The following B3GALT1 variants were observed in gnomAD, a reference collection of about 807,000 sequenced individuals.
B3GALT1 encodes the protein beta-1,3-galactosyltransferase 1.
In B3GALT1, 10 loss-of-function variants were observed where a neutral mutation model predicts 23.2. That is an observed-to-expected ratio of 0.43 (90% confidence interval 0.27 to 0.73). The LOEUF (loss-of-function observed/expected upper bound fraction) is 0.73. Among genes scored for constraint, B3GALT1 ranks in the 30% least tolerant of loss-of-function variants. B3GALT1 has a pLI of 0.21. For synonymous variants in B3GALT1, 156 were observed against 141.5 expected, an observed-to-expected ratio of 1.10 and a Z score of -0.73; for missense variants, 299 against 405.4, an observed-to-expected ratio of 0.74 and a Z score of 2.25.
At chr2:167,472,610 G>T (rs779230605) in intron 1 of B3GALT1, among the ~76,000 whole-genome samples, 3 of 151,992 alleles carry the variant, frequency 2.0e-5, no homozygotes, top group Non-Finnish European at 4.4e-5. Context: ...AGTTCATCTC[G>T]TCTACCAAAT....
intron 2 of B3GALT1, among the ~76,000 whole-genome samples, chr2:167,501,525 G>A (rs1431308363): frequency 6.6e-6 from 1 of 151,422 alleles, no homozygotes; most frequent in African/African-American, 2.4e-5. Context: ...TTAAAAGACA[G>A]CAACAAAACC....
At position 167,869,210 on chromosome 2, in the gene B3GALT1, T is replaced by A; in HGVS notation, c.171T>A (p.Pro57=). ...NFTFGNIRTR[P]INPHSFEFLI... ...CCTTTGGCAACATAAGAACTCGACC[T>A]ATCAACCCACATTCTTTTGAATTTC... Residue 57 remains proline (P), a synonymous_variant, in exon 5 of 5, where the codon CCT becomes CCA. Coordinates refer to ENST00000392690, the MANE Select transcript of B3GALT1 (RefSeq NM_020981.4). This position sits in a 1 kb window ranked among gnomAD's most constrained non-coding sequence, Gnocchi z 6.4. 1.9e-6 allele frequency: 3 copies of A among 1,614,194 alleles called. No homozygotes were observed. The South Asian group carries it at 3.3e-5, about 18-fold the overall frequency.
chr2:167,614,059 A>C (rs1238353729), intron 2 of B3GALT1, among the ~76,000 whole-genome samples: 1 of 151,882 alleles, frequency 6.6e-6, no homozygotes, highest in Non-Finnish European at 1.5e-5. Flanking sequence ...GTAATAAAAC[A>C]ATAACACTAA....
At chr2:167,794,546 C>G (rs1444982589) in intron 3 of B3GALT1, among the ~76,000 whole-genome samples, 1 of 152,178 alleles carries the variant, frequency 6.6e-6, no homozygotes, top group Admixed American at 6.5e-5. Context: ...TGACTCCTCC[C>G]TAGCCAACCT....
At chr2:167,770,721 T>C (rs1688058705) in intron 3 of B3GALT1, among the ~76,000 whole-genome samples, 1 of 152,312 alleles carries the variant, frequency 6.6e-6, no homozygotes, top group East Asian at 1.9e-4. Context: ...TTTTTTCTTA[T>C]ATTTTCCTCT....
chr2:167,318,694 G>T (rs73015836), intron 1 of B3GALT1, among the ~76,000 whole-genome samples: 1 of 152,122 alleles, frequency 6.6e-6, no homozygotes, highest in Admixed American at 6.6e-5. Context: ...AACTGCACTC[G>T]TTGGCTAAGG....
At chr2:167,692,964 A>G (rs1686737437) in intron 3 of B3GALT1, among the ~76,000 whole-genome samples, 1 of 152,020 alleles carries the variant, frequency 6.6e-6, no homozygotes, top group Non-Finnish European at 1.5e-5. Flanking sequence ...TGATGAGCCA[A>G]GGAAATGAAG....
At chr2:167,596,037 G>A (rs1310772576) in intron 2 of B3GALT1, among the ~76,000 whole-genome samples, 2 of 152,226 alleles carry the variant, frequency 1.3e-5, no homozygotes, top group African/African-American at 2.4e-5. Flanking sequence ...CTCTTCAGCA[G>A]GTAGTGGTTA....
chr2:167,354,910 C>A (rs986053337), intron 1 of B3GALT1, among the ~76,000 whole-genome samples: 1 of 152,198 alleles, frequency 6.6e-6, no homozygotes, highest in African/African-American at 2.4e-5. Context: ...ACCATGAGTT[C>A]TCAGCAAATT....
At chr2:167,427,489 G>C (rs755660318) in intron 1 of B3GALT1, among the ~76,000 whole-genome samples, 3 of 152,268 alleles carry the variant, frequency 2.0e-5, no homozygotes, top group Non-Finnish European at 2.9e-5. Context: ...ATGTATAAGA[G>C]AGTTCAGGCC....
intron 1 of B3GALT1, among the ~76,000 whole-genome samples, 179 bp downstream of exon 1, chr2:167,293,513 C>T (rs575737109): frequency 6.6e-6 from 1 of 152,276 alleles, no homozygotes; most frequent in South Asian, 2.1e-4. Context: ...GTGCGTTCTC[C>T]CTTCCGCGCT....
chr2:167,387,038 G>A (rs751402884), intron 1 of B3GALT1, among the ~76,000 whole-genome samples: 2 of 148,086 alleles, frequency 1.4e-5, no homozygotes, highest in African/African-American at 2.7e-5. Flanking sequence ...ATCATTTCAT[G>A]GGTAAGGAAA....
intron 3 of B3GALT1, among the ~76,000 whole-genome samples, chr2:167,767,620 A>G (rs1239868342): frequency 1.3e-5 from 2 of 152,146 alleles, no homozygotes; most frequent in East Asian, 3.9e-4. Context: ...CACATTTTCC[A>G]TGGGCAATGT....
intron 1 of B3GALT1, among the ~76,000 whole-genome samples, chr2:167,296,163 C>T (rs141712008): frequency 1.3e-5 from 2 of 152,304 alleles, no homozygotes; most frequent in African/African-American, 4.8e-5. Context: ...CCCTAGGCCA[C>T]TAAATTCACT....
intron 1 of B3GALT1, among the ~76,000 whole-genome samples, chr2:167,361,126 T>G (rs1322567503): frequency 2.0e-5 from 3 of 152,198 alleles, no homozygotes; most frequent in Admixed American, 2.0e-4. Context: ...ACACTTAGTT[T>G]GATTCCATAT....
At chr2:167,682,034 GCTC>G (rs1218119631) in intron 3 of B3GALT1, among the ~76,000 whole-genome samples, 2 of 151,928 alleles carry the variant, frequency 1.3e-5, no homozygotes, top group African/African-American at 4.8e-5. Flanking sequence ...AGCTGTTTTT[GCTC>G]CTTGCCTTTC....
intron 4 of B3GALT1, among the ~76,000 whole-genome samples, chr2:167,825,426 A>T (rs1689196484): frequency 6.8e-6 from 1 of 146,658 alleles, no homozygotes; most frequent in African/African-American, 2.5e-5. Flanking sequence ...AACCAATAAG[A>T]TATATGCAGG....
chr2:167,824,034 A>C (rs973432874), intron 4 of B3GALT1, among the ~76,000 whole-genome samples: 1 of 152,256 alleles, frequency 6.6e-6, no homozygotes, highest in African/African-American at 2.4e-5. Flanking sequence ...GGAACACAAC[A>C]GTTTCCTCTG....
intron 1 of B3GALT1, among the ~76,000 whole-genome samples, chr2:167,462,044 T>G (rs1327707603): frequency 6.6e-6 from 1 of 152,144 alleles, no homozygotes; most frequent in Non-Finnish European, 1.5e-5. Flanking sequence ...TACCAGTGTG[T>G]CATCACCGAA....
Sources: gnomAD v4.1 joint callset for allele counts (sites outside exome capture counted in the v4.1 genomes callset) on GRCh38, gnomAD v4.1.1 for gene constraint, Gnocchi (gnomAD v3.1) non-coding constraint, MANE v1.5 for transcripts, NCBI Gene and HGNC (gene_info 2026-07-23, HGNC 2026-07-21) for gene names.